The following PLA2G5 variants were observed in gnomAD, a reference collection of about 807,000 sequenced individuals.
PLA2G5 encodes the protein Ca2+-dependent phospholipase A2.
Under a neutral mutation model 15.9 loss-of-function variants are expected in PLA2G5, and 12 were observed. That is an observed-to-expected ratio of 0.76 (90% CI 0.48 to 1.23). PLA2G5 has a LOEUF of 1.23. Ranked by LOEUF, PLA2G5 falls within the 50% of genes most tolerant of loss-of-function variation. PLA2G5 has a pLI of 0.00. For synonymous variants in PLA2G5, 71 were observed against 71.4 expected (o/e 0.99, Z 0.03); for missense variants, 169 against 177.1 (o/e 0.95, Z 0.26).
At chr1:20,030,950 G>A (rs1229530027) in intron 1 of PLA2G5, among the ~76,000 whole-genome samples, 1 of 152,160 alleles carries the variant, frequency 6.6e-6, no homozygotes, top group African/African-American at 2.4e-5. Flanking sequence ...AAACAAAATG[G>A]AGTTTCTTAT....
upstream of PLA2G5, chr1:20,068,855 T>A (rs1231713959): frequency 2.4e-6 from 2 of 832,968 alleles, no homozygotes; most frequent in Non-Finnish European, 3.4e-6. Flanking sequence ...TGTTTTCCAA[T>A]GTGTTGCCTC....
intron 1 of PLA2G5, among the ~76,000 whole-genome samples, chr1:20,044,621 A>G (rs1414200734): frequency 1.3e-5 from 2 of 152,116 alleles, no homozygotes; most frequent in Non-Finnish European, 2.9e-5. Context: ...AACCTTGACT[A>G]TGCCTTTAGC....
At chr1:20,073,744 G>A (rs571744420) in intron 1 of PLA2G5, among the ~76,000 whole-genome samples, 10 of 151,922 alleles carry the variant, frequency 6.6e-5, no homozygotes, top group Admixed American at 1.3e-4. Context: ...TTAGCCCAGC[G>A]TGGTAATCCC....
intron 1 of PLA2G5, among the ~76,000 whole-genome samples, chr1:20,045,576 A>C (rs988436602): frequency 1.3e-5 from 2 of 152,228 alleles, no homozygotes. Flanking sequence ...CAAAATTGAA[A>C]GGAGAAAGAG....
chr1:20,074,564 T>A (rs540238306), intron 1 of PLA2G5, among the ~76,000 whole-genome samples: 13 of 152,264 alleles, frequency 8.5e-5, no homozygotes, highest in African/African-American at 3.1e-4. Context: ...AAAGATTAAG[T>A]TCCTTTTCCT....
At chr1:20,042,001 A>G (rs1415103184) in intron 1 of PLA2G5, among the ~76,000 whole-genome samples, 1 of 152,224 alleles carries the variant, frequency 6.6e-6, no homozygotes, top group East Asian at 1.9e-4. Flanking sequence ...TTTTTATTAA[A>G]GAGGCATTAA....
chr1:20,042,867 C>T (rs116519473), intron 1 of PLA2G5, among the ~76,000 whole-genome samples: 1,715 of 152,070 alleles, frequency 0.011, 25 homozygotes, highest in African/African-American at 0.039. Context: ...GAGGGAGATA[C>T]GCAATATTCT....
intron 4 of PLA2G5, 43 bp downstream of exon 4, chr1:20,089,938 G>GA: frequency 1.4e-6 from 2 of 1,426,420 alleles, no homozygotes; most frequent in Non-Finnish European, 2.0e-6. Context: ...AAGAGCACCT[G>GA]ACTTTAAGTT....
intron 1 of PLA2G5, among the ~76,000 whole-genome samples, chr1:20,056,578 G>T (rs1056141860): frequency 1.3e-5 from 2 of 152,082 alleles, no homozygotes. Flanking sequence ...CTTGGTTGTG[G>T]TGTGTAATTC....
chr1:20,064,721 C>T (rs917380588), intron 2 of PLA2G5, among the ~76,000 whole-genome samples: 3 of 152,274 alleles, frequency 2.0e-5, no homozygotes, highest in Middle Eastern at 3.4e-3. Context: ...TAGTAAGACC[C>T]TGTATCTACA....
intron 1 of PLA2G5, among the ~76,000 whole-genome samples, chr1:20,054,546 C>A (rs1326717698): frequency 6.6e-6 from 1 of 151,844 alleles, no homozygotes; most frequent in Non-Finnish European, 1.5e-5. Context: ...AGATGGAGAT[C>A]ATTTTTCTTT....
intron 1 of PLA2G5, among the ~76,000 whole-genome samples, chr1:20,078,680 C>T (rs191306405): frequency 2.6e-5 from 4 of 152,190 alleles, no homozygotes; most frequent in African/African-American, 9.6e-5. Flanking sequence ...AGGGTTCTTC[C>T]GGGAGCCCAG....
chr1:20,039,891 C>T (rs1483317735), intron 1 of PLA2G5, among the ~76,000 whole-genome samples: 2 of 152,168 alleles, frequency 1.3e-5, no homozygotes, highest in South Asian at 2.1e-4. Flanking sequence ...ATATATCTCT[C>T]ATTTGACCCT....
At chr1:20,066,587 C>T (rs2015043924), upstream of PLA2G5, among the ~76,000 whole-genome samples, 1 of 152,220 alleles carries the variant, frequency 6.6e-6, no homozygotes, top group Admixed American at 6.5e-5. Flanking sequence ...CGACTGCCTC[C>T]TATGAACTTT....
At chr1:20,068,993 A>G (rs2015199562), upstream of PLA2G5, 1 of 1,231,220 alleles carries the variant, frequency 8.1e-7, no homozygotes, top group African/African-American at 1.5e-5. Flanking sequence ...ACAGATACCA[A>G]CAGACCATTC....
At chr1:20,031,915 T>C (rs1318614515) in intron 1 of PLA2G5, among the ~76,000 whole-genome samples, 1 of 152,072 alleles carries the variant, frequency 6.6e-6, no homozygotes, top group African/African-American at 2.4e-5. Context: ...TAAGTGTTTG[T>C]GTACTGTCTT....
chr1:20,078,762 A>G (rs2015836947), intron 1 of PLA2G5, among the ~76,000 whole-genome samples: 1 of 152,132 alleles, frequency 6.6e-6, no homozygotes, highest in African/African-American at 2.4e-5. Flanking sequence ...TACCATGACA[A>G]GAGAGAGGGA....
chr1:20,050,498 T>G lies in PLA2G5; in HGVS notation n.277-9134T>G, dbSNP rs545790534. ...GGCACACTGATGCAAGACCAGCATA[T>G]GGGACCCTGTGTCAGACTAACAAGA... On this transcript the variant is annotated intron_variant and non_coding_transcript_variant, in intron 1 of 6. Coordinates refer to the PLA2G5 transcript ENST00000460175. Among the ~76,000 whole-genome samples, 27 of 152,342 alleles carry G rather than the reference T, an allele frequency of 1.8e-4. No individual in the cohort carries two copies. The South Asian group carries it at 5.6e-3, about 32-fold the overall frequency.
intron 1 of PLA2G5, among the ~76,000 whole-genome samples, chr1:20,045,676 T>G (rs2013865666): frequency 6.6e-6 from 1 of 152,168 alleles, no homozygotes; most frequent in Admixed American, 6.5e-5. Flanking sequence ...GGCTGGTTGG[T>G]CTGAGGACCC....
Sources: gnomAD v4.1 joint callset for allele counts (sites outside exome capture counted in the v4.1 genomes callset) on GRCh38, gnomAD v4.1.1 for gene constraint, MANE v1.5 for transcripts, NCBI Gene and HGNC (gene_info 2026-07-23, HGNC 2026-07-21) for gene names.